Variants in TEN1 observed in about 807,000 individuals in gnomAD.
TEN1 encodes CST complex subunit TEN1.
In TEN1, 6 loss-of-function variants were observed where a neutral mutation model predicts 9.3. The ratio of observed to expected loss-of-function variants is 0.65; its 90% confidence interval spans 0.35 to 1.27. The LOEUF is 1.27. Among genes scored for constraint, TEN1 ranks in the 50% most tolerant of loss-of-function variants. The pLI is 0.03. For missense variants in TEN1, 149 were observed against 158.2 expected (o/e 0.94, Z 0.31); for synonymous variants, 65 against 65.6 (o/e 0.99, Z 0.04).
intron 2 of TEN1, among the ~76,000 whole-genome samples, chr17:75,989,181 G>A (rs1255923417): frequency 1.4e-5 from 2 of 142,308 alleles, no homozygotes; most frequent in South Asian, 2.2e-4. Flanking sequence ...CTCACTGCAA[G>A]TTCTGCCTCC....
Position 75,986,173 on chromosome 17 carries a change from C to T in TEN1, c.-6-14C>T. ...CAGGAATCTTCAAAATCCCTCTCAA[C>T]TATTTGGTTACAGGAGCCCATGATG... On this transcript the variant is annotated splice_polypyrimidine_tract_variant and intron_variant, in intron 1 of 3. Transcript: ENST00000397640. 6.5e-7 allele frequency: 1 copy of T among 1,533,916 alleles called. No individual in the cohort carries two copies. The highest frequency in any genetic ancestry group is 1.2e-5 in the South Asian group (1 of 81,048).
chr17:75,985,335 A>G (rs2066145322), intron 1 of TEN1, among the ~76,000 whole-genome samples: 1 of 151,684 alleles, frequency 6.6e-6, no homozygotes, highest in Admixed American at 6.6e-5. Flanking sequence ...TTTTGTGGAG[A>G]TGGGCTGTTG....
At chr17:75,997,471 C>G (rs918511602) in intron 3 of TEN1, among the ~76,000 whole-genome samples, 6 of 152,216 alleles carry the variant, frequency 3.9e-5, no homozygotes, top group African/African-American at 1.4e-4. Flanking sequence ...GAATCGAGGC[C>G]ACAGGCAGCC....
At chr17:75,997,792 C>T (rs2066226354) in intron 3 of TEN1, among the ~76,000 whole-genome samples, 1 of 152,154 alleles carries the variant, frequency 6.6e-6, no homozygotes, top group Admixed American at 6.6e-5. Flanking sequence ...CCAGGCCTCA[C>T]CCCACTGCAT....
intron 3 of TEN1, among the ~76,000 whole-genome samples, chr17:75,998,997 T>A (rs1448048317): frequency 6.6e-6 from 1 of 151,938 alleles, no homozygotes; most frequent in Non-Finnish European, 1.5e-5. Flanking sequence ...GTGCAAAAAA[T>A]TTTTTTAACT....
At chr17:75,980,002 C>T (rs2066104550) in intron 1 of TEN1, among the ~76,000 whole-genome samples, 1 of 151,964 alleles carries the variant, frequency 6.6e-6, no homozygotes, top group Non-Finnish European at 1.5e-5. Context: ...TTGCTTTCGC[C>T]ATCACCGTCA....
rs149967026 is a variant in TEN1, at chr17:75,994,771, C to T, written c.250+3148C>T. On this transcript the variant is annotated intron_variant, in intron 3 of 3. Transcript: ENST00000397640. The stretch of plus-strand genomic sequence containing the variant: ...GATTACAAGCGTGAGCCACCGCGCC[C>T]GGCCTGTCTTGATTATCTAAGTCAT... 1.7e-3 allele frequency among the ~76,000 whole-genome samples: 256 copies of T among 152,192 alleles called. 2 individuals carry two copies. The highest frequency in any genetic ancestry group is 5.8e-3 in the African/African-American group (243 of 41,544).
rs557953691 is a variant in TEN1 at position 75,999,948 on chromosome 17, C to T, written c.251-193C>T. On this transcript the variant is annotated intron_variant, in intron 3 of 3. Coordinates refer to ENST00000397640, the MANE Select transcript of TEN1 (RefSeq NM_001113324.3). ...CACCTGCTAAGTTCCAGACACGGGC[C>T]GACTGTGCATGACAGGCCCACGGTT... Among the ~76,000 whole-genome samples, 13 of 152,220 alleles carry T rather than the reference C, an allele frequency of 8.5e-5. No individual in the cohort carries two copies. In the South Asian group the frequency reaches 2.5e-3, roughly 29 times the overall value.
chr17:75,995,754 C>A (rs930258460), intron 3 of TEN1, among the ~76,000 whole-genome samples: 21 of 152,194 alleles, frequency 1.4e-4, no homozygotes, highest in African/African-American at 4.8e-4. Flanking sequence ...GCCATGCATC[C>A]TCTGCCTTCT....
chr17:75,981,753 G>A (rs1424263517), intron 1 of TEN1, among the ~76,000 whole-genome samples: 1 of 152,108 alleles, frequency 6.6e-6, no homozygotes, highest in African/African-American at 2.4e-5. Flanking sequence ...ATATAAGCTG[G>A]GTGCGGTGGC....
At chr17:75,997,855 C>CTT (rs1266047693) in intron 3 of TEN1, among the ~76,000 whole-genome samples, 2 of 145,662 alleles carry the variant, frequency 1.4e-5, no homozygotes, top group Non-Finnish European at 3.0e-5. Flanking sequence ...GGTTCTTAAT[C>CTT]TTTTTTTTTT....
chr17:75,988,638 A>G (rs2066167072), intron 2 of TEN1, among the ~76,000 whole-genome samples: 1 of 151,190 alleles, frequency 6.6e-6, no homozygotes, highest in Admixed American at 6.6e-5. Flanking sequence ...CTATTATATT[A>G]CTGTATTGTA....
chr17:75,990,412 A>G (rs1283662112), intron 2 of TEN1, among the ~76,000 whole-genome samples: 1 of 152,154 alleles, frequency 6.6e-6, no homozygotes, highest in Non-Finnish European at 1.5e-5. Flanking sequence ...AAAAAAATTT[A>G]CACTGTGTCA....
chr17:76,000,198 C>T lies in TEN1; in HGVS notation c.308C>T (p.Pro103Leu), dbSNP rs1270235483. The change falls in exon 4 of 4, where the codon CCC becomes CTC. Residue 103 changes from proline to leucine, a missense_variant. Coordinates refer to ENST00000397640, the MANE Select transcript of TEN1 (RefSeq NM_001113324.3). The surrounding 1 kb of genome is among the most constrained non-coding windows in gnomAD (Gnocchi z 5.9). Reference sequence around the variant, plus strand: ...ACCTGTGTGGAGGGGATGAACCTGCCCTTGTTGGAACAAGCCATCCGGGAG... The same window carrying T: ...ACCTGTGTGGAGGGGATGAACCTGCTCTTGTTGGAACAAGCCATCCGGGAG... ...VLTCVEGMNL[P>L]LLEQAIREQR... The T allele has an allele frequency of 1.3e-6, 2 of 1,551,442 alleles. No homozygotes were observed. Among genetic ancestry groups the T allele is most frequent in the East Asian group, 2.4e-5 (1 of 40,902 alleles).
In TEN1 at chr17:75,991,555, T is replaced by C. The variant is rs1032051988; in HGVS notation, c.182T>C (p.Leu61Ser). ...CACCAGGTTCTTGTCTGTACCAAGTTGGTGGAGCCCTTCCACGCCCAGGTG... is the reference window on the plus strand; with the variant it reads ...CACCAGGTTCTTGTCTGTACCAAGTCGGTGGAGCCCTTCCACGCCCAGGTG... Reference protein sequence around the residue: ...DQHQVLVCTKLVEPFHAQVGS... With the variant: ...DQHQVLVCTKSVEPFHAQVGS... Residue 61 changes from leucine to serine, a missense_variant, in exon 3 of 4, where the codon TTG (leucine) becomes TCG (serine). By Grantham distance (145) the Leu-to-Ser change is moderately radical. Transcript: ENST00000397640. The C allele has an allele frequency of 6.4e-7, 1 of 1,552,286 alleles. No homozygotes were observed.
chr17:75,984,194 C>T (rs116992635), intron 1 of TEN1, among the ~76,000 whole-genome samples: 2,304 of 152,258 alleles, frequency 0.015, 32 homozygotes, highest in Non-Finnish European at 0.024. Flanking sequence ...TAGATCAGCT[C>T]TCCCCCGCTG....
Position 75,979,497 on chromosome 17 carries a change from C to T in TEN1, c.-21C>T. 1 of 336,156 alleles carries T rather than the reference C, an allele frequency of 3.0e-6. No homozygotes were observed. Among genetic ancestry groups the T allele is most frequent in the Non-Finnish European group, 5.8e-6 (1 of 172,074 alleles). 20.8% of individuals were successfully genotyped at this position (336,156 alleles called of 1,614,324 possible). On this transcript the variant is annotated 5_prime_UTR_variant, in exon 1 of 4. Transcript: ENST00000397640. ...CGGAAAGAAGAAATCCGAGGACCGG[C>T]GACGCCTAGAACAGGTTGGCTGGGG...
At chr17:75,994,813 C>T (rs117727296) in intron 3 of TEN1, among the ~76,000 whole-genome samples, 4 of 152,166 alleles carry the variant, frequency 2.6e-5, no homozygotes, top group East Asian at 3.9e-4. Flanking sequence ...TCGTCATTCA[C>T]GGAGGGAACT....
intron 3 of TEN1, among the ~76,000 whole-genome samples, chr17:75,999,367 G>A (rs1310332466): frequency 6.6e-6 from 1 of 151,938 alleles, no homozygotes; most frequent in East Asian, 1.9e-4. Flanking sequence ...TTTTTAGGTG[G>A]AGTCTTGCTC....
Sources: allele counts gnomAD v4.1 joint callset (sites outside exome capture counted in the v4.1 genomes callset), GRCh38; gene constraint gnomAD v4.1.1; non-coding constraint Gnocchi (gnomAD v3.1); transcripts MANE v1.5; gene names NCBI Gene and HGNC (gene_info 2026-07-23, HGNC 2026-07-21).